PCDH11X: variants seen among roughly 807,000 people sequenced by gnomAD.
PCDH11X encodes the protein protocadherin-11 X-linked.
A neutral mutation model predicts 53.3 loss-of-function variants in PCDH11X; 18 were observed. The observed-to-expected ratio is 0.34, with a 90% CI of 0.23 to 0.50. PCDH11X has a LOEUF of 0.50. PCDH11X is among the 20% of genes least tolerant of loss of function. The pLI, the probability that PCDH11X is intolerant of heterozygous loss-of-function variation, is 0.98. For missense variants in PCDH11X, 570 were observed against 1,032.4 expected, an observed-to-expected ratio of 0.55 and a Z score of 6.14; for synonymous variants, 279 against 393.3, an observed-to-expected ratio of 0.71 and a Z score of 3.44.
At chrX:92,231,209 A>AT (rs755795343) in intron 7 of PCDH11X, among the ~76,000 whole-genome samples, 4 of 111,160 alleles carry the variant, frequency 3.6e-5, no homozygotes, top group Non-Finnish European at 7.5e-5. Flanking sequence ...AGATGGGAAT[A>AT]TTTTTTTGGT....
At chrX:92,274,512 C>T (rs1394597592) in intron 8 of PCDH11X, among the ~76,000 whole-genome samples, 1 of 110,954 alleles carries the variant, frequency 9.0e-6, no homozygotes, top group Admixed American at 9.6e-5. Flanking sequence ...CTCTACCTGT[C>T]CAGTGAAAGT....
Position 92,148,133 on chromosome X carries a change from TTTCCTTCC to T in PCDH11X, c.3034-53206_3034-53199del, listed in dbSNP as rs202024225. On this transcript the variant is annotated intron_variant, in intron 6 of 10. Transcript: ENST00000682573. Reference sequence around the variant, plus strand: ...TTCTTTCTTTCTTTCTTTCTTTCTTTTTCCTTCCTTCCTTCCTTCCTTCCTTCCTTCCT... The same window carrying T: ...TTCTTTCTTTCTTTCTTTCTTTCTTTTTCCTTCCTTCCTTCCTTCCTTCCT... Among the ~76,000 whole-genome samples, 10 of 5,202 alleles carry T rather than the reference TTTCCTTCC, an allele frequency of 1.9e-3. 2 individuals are homozygous for T. Among genetic ancestry groups the T allele is most frequent in the South Asian group, 0.014 (1 of 73 alleles). 4.5% of individuals were successfully genotyped at this position (5,202 alleles called of 115,157 possible).
chrX:92,296,551 A>G (rs112840404), intron 8 of PCDH11X, among the ~76,000 whole-genome samples: 1,942 of 111,441 alleles, frequency 0.017, 23 homozygotes, highest in Non-Finnish European at 0.028. Flanking sequence ...GTCCAGCTCC[A>G]TCCATGTTGC....
intron 10 of PCDH11X, among the ~76,000 whole-genome samples, chrX:92,578,485 C>A: frequency 1.8e-5 from 2 of 108,702 alleles, no homozygotes; most frequent in Middle Eastern, 9.5e-3. Context: ...TGATTTGAAG[C>A]CTTTACCATT....
intron 8 of PCDH11X, among the ~76,000 whole-genome samples, chrX:92,273,981 A>G (rs768624094): frequency 1.8e-5 from 2 of 108,868 alleles, no homozygotes; most frequent in African/African-American, 6.7e-5. Flanking sequence ...TTGGAGAAAC[A>G]GTGTAAACCG....
Position 91,972,770 on chromosome X carries a change from G to A in PCDH11X, c.3033+93497G>A, listed in dbSNP as rs774748336. Reference sequence around the variant, plus strand: ...GATCAGATGGTTGTAGATATGCGGCGTTATTTCTGAGGGCTCTGTTCTGTT... The same window carrying A: ...GATCAGATGGTTGTAGATATGCGGCATTATTTCTGAGGGCTCTGTTCTGTT... On this transcript the variant is annotated intron_variant, in intron 6 of 10. Coordinates refer to ENST00000682573, the MANE Select transcript of PCDH11X (RefSeq NM_032968.5). Among the ~76,000 whole-genome samples, 152 of 109,962 alleles carry A rather than the reference G, an allele frequency of 1.4e-3. 1 individual carries two copies. Among genetic ancestry groups the A allele is most frequent in the African/African-American group, 4.5e-3 (137 of 30,190 alleles).
intron 10 of PCDH11X, among the ~76,000 whole-genome samples, chrX:92,572,140 G>A (rs932532881): frequency 1.1e-4 from 12 of 112,062 alleles, no homozygotes; most frequent in Admixed American, 2.8e-4. Flanking sequence ...GATTACAGTC[G>A]CTGTGTGCTC....
At chrX:92,498,406 TCATTAACAAAATGTGCTGGA>T (rs1218824304) in intron 10 of PCDH11X, among the ~76,000 whole-genome samples, 1 of 110,991 alleles carries the variant, frequency 9.0e-6, no homozygotes, top group Non-Finnish European at 1.9e-5. Context: ...CACCTGTGGT[TCATTAACAAAATGTGCTGGA>T]GTATCCCTAA....
chrX:92,042,740 C>T lies in PCDH11X; in HGVS notation c.3034-158635C>T, dbSNP rs754050717. ...GCAACCTACACCTCCCGGGTTCAAG[C>T]GATTCTCTGCCTTGGCCTCCTGAGT... On this transcript the variant is annotated intron_variant, in intron 6 of 10. Coordinates refer to ENST00000682573, the MANE Select transcript of PCDH11X (RefSeq NM_032968.5). Among the ~76,000 whole-genome samples, 6 of 98,618 alleles carry T rather than the reference C, an allele frequency of 6.1e-5. No individual in the cohort carries two copies. The South Asian group carries it at 3.2e-3, about 52-fold the overall frequency. The allele number at this position is 98,618 out of a possible 115,157, so 85.6% of individuals were successfully genotyped here.
At chrX:92,306,806 C>A (rs776036054) in intron 8 of PCDH11X, among the ~76,000 whole-genome samples, 1 of 110,369 alleles carries the variant, frequency 9.1e-6, no homozygotes, top group East Asian at 2.9e-4. Flanking sequence ...ACAAATTAGC[C>A]GAGCGTGGTC....
chrX:92,409,467 C>T (rs1432631276), intron 9 of PCDH11X, among the ~76,000 whole-genome samples: 4 of 112,182 alleles, frequency 3.6e-5, no homozygotes, highest in Non-Finnish European at 5.6e-5. Context: ...TTTCTTCTTG[C>T]TACAACCATT....
At chrX:92,114,374 T>A (rs2064590884) in intron 6 of PCDH11X, 16 of 1,128,564 alleles carry the variant, frequency 1.4e-5, no homozygotes, top group Non-Finnish European at 1.8e-5. Context: ...CTGTCAACAA[T>A]CTCATTCCAG....
At chrX:92,418,303 T>C in intron 9 of PCDH11X, among the ~76,000 whole-genome samples, 1 of 110,708 alleles carries the variant, frequency 9.0e-6, no homozygotes, top group Middle Eastern at 4.6e-3. Flanking sequence ...TCATAAAATA[T>C]AAACGGCCAG....
At chrX:92,291,156 C>T (rs980896752) in intron 8 of PCDH11X, among the ~76,000 whole-genome samples, 4 of 108,034 alleles carry the variant, frequency 3.7e-5, no homozygotes, top group Admixed American at 3.0e-4. Context: ...ATGATCCTCC[C>T]ACCTGGGCCT....
At chrX:91,921,702 T>G (rs1226680415) in intron 6 of PCDH11X, among the ~76,000 whole-genome samples, 1 of 105,030 alleles carries the variant, frequency 9.5e-6, no homozygotes, top group Non-Finnish European at 2.0e-5. Context: ...TATTTATTCA[T>G]TAACCTACTG....
rs201349279 is a variant in PCDH11X at position 92,147,819 on chromosome X, C to CTTTTCTTTCTTTCTT, written c.3034-53553_3034-53552insTCTTTCTTTCTTTTT. Among the ~76,000 whole-genome samples, 113 of 81,675 alleles carry CTTTTCTTTCTTTCTT rather than the reference C, an allele frequency of 1.4e-3. 4 individuals are homozygous for CTTTTCTTTCTTTCTT. The highest frequency in any genetic ancestry group is 8.0e-3 in the African/African-American group (113 of 14,133). 70.9% of individuals were successfully genotyped at this position (81,675 alleles called of 115,157 possible). On this transcript the variant is annotated intron_variant, in intron 6 of 10. Coordinates refer to ENST00000682573, the MANE Select transcript of PCDH11X (RefSeq NM_032968.5). The stretch of plus-strand genomic sequence containing the variant: ...CTTTCTTTTCTTCCTTCCTTTCTTT[C>CTTTTCTTTCTTTCTT]TTTCTTTCTTTCTTTCTTTCTTTCT...
At chrX:92,139,215 A>C (rs2065133921) in intron 6 of PCDH11X, among the ~76,000 whole-genome samples, 1 of 108,149 alleles carries the variant, frequency 9.2e-6, no homozygotes, top group Non-Finnish European at 1.9e-5. Context: ...TTTTGAAAAA[A>C]AAAGTCAATT....
intron 10 of PCDH11X, among the ~76,000 whole-genome samples, chrX:92,484,065 A>G (rs1038334957): frequency 9.8e-6 from 1 of 101,876 alleles, no homozygotes; most frequent in African/African-American, 3.5e-5. Flanking sequence ...CCACCAAACA[A>G]TGAGTGAATA....
chrX:91,846,892 T>C (rs890040539), intron 5 of PCDH11X, among the ~76,000 whole-genome samples: 1 of 111,651 alleles, frequency 9.0e-6, no homozygotes, highest in Non-Finnish European at 1.9e-5. Context: ...TGCATAACTC[T>C]ATGCTTTCCT....
Sources: gnomAD v4.1 joint callset for allele counts (sites outside exome capture counted in the v4.1 genomes callset) on GRCh38, gnomAD v4.1.1 for gene constraint, MANE v1.5 for transcripts, NCBI Gene and HGNC (gene_info 2026-07-23, HGNC 2026-07-21) for gene names.